RABGAP1: variants seen among roughly 807,000 people sequenced by gnomAD.
The protein encoded by RABGAP1 is RAB GTPase activating protein 1.
A neutral mutation model predicts 137.6 loss-of-function variants in RABGAP1; 23 were observed. That is an observed-to-expected ratio of 0.17 (90% confidence interval 0.12 to 0.24). RABGAP1 has a LOEUF of 0.24. Among genes scored for constraint, RABGAP1 ranks in the 10% least tolerant of loss-of-function variants. The pLI, the probability that RABGAP1 is intolerant of heterozygous loss-of-function variation, is 1.00. For missense variants in RABGAP1, 906 were observed against 1,275.8 expected (o/e 0.71, Z 4.42); for synonymous variants, 451 against 450.7 (o/e 1.00, Z -0.01).
intron 13 of RABGAP1, chr9:123,063,192 A>G (rs976888189): frequency 6.6e-6 from 1 of 152,570 alleles, no homozygotes; most frequent in African/African-American, 2.4e-5. Flanking sequence ...GAACGTTTCC[A>G]TATTCCTCTC....
At chr9:122,978,129 G>GT (rs200331121) in intron 2 of RABGAP1, among the ~76,000 whole-genome samples, 1 of 145,366 alleles carries the variant, frequency 6.9e-6, no homozygotes, top group African/African-American at 2.9e-5. Flanking sequence ...TCAAGATGGG[G>GT]AATACTTTTA....
At chr9:122,942,685 A>AAAAAAC (rs1833664081) in intron 1 of RABGAP1, among the ~76,000 whole-genome samples, 1 of 151,190 alleles carries the variant, frequency 6.6e-6, no homozygotes, top group South Asian at 2.1e-4. Flanking sequence ...AAAAAAAAAA[A>AAAAAAC]AAACACAAAA....
rs774799310 is a variant in RABGAP1 at position 122,984,500 on chromosome 9, A to G, written c.166A>G (p.Ser56Gly). ...KTGLKIVGNG[S>G]EQQLQKELAD... ...TGACCCTTAGATTGTAGGGAATGGA[A>G]GTGAACAGCAGCTGCAAAAAGAGCT... is the stretch of plus-strand genomic sequence containing the variant. The change falls in exon 3 of 26, where the codon AGT becomes GGT. Residue 56 changes from serine to glycine, a missense_variant. Ser to Gly is a moderately conservative substitution (Grantham distance 56). Transcript: ENST00000373647. 2 of 1,613,972 alleles carry G rather than the reference A, an allele frequency of 1.2e-6. No homozygotes were observed. The highest frequency in any genetic ancestry group is 1.1e-5 in the South Asian group (1 of 91,030).
chr9:123,095,317 T>C (rs2035150518), intron 21 of RABGAP1, among the ~76,000 whole-genome samples: 1 of 152,092 alleles, frequency 6.6e-6, no homozygotes, highest in Non-Finnish European at 1.5e-5. Flanking sequence ...TTTTACTTTC[T>C]TTGGGTTTCA....
At chr9:123,079,563 T>C (rs1005758097) in intron 19 of RABGAP1, among the ~76,000 whole-genome samples, 3 of 152,138 alleles carry the variant, frequency 2.0e-5, no homozygotes, top group Non-Finnish European at 4.4e-5. Context: ...AAATTTTTGT[T>C]GTTGTGATGT....
intron 13 of RABGAP1, among the ~76,000 whole-genome samples, chr9:123,028,527 A>G (rs1310591525): frequency 1.3e-5 from 2 of 152,178 alleles, no homozygotes; most frequent in Non-Finnish European, 2.9e-5. Flanking sequence ...TTGGGGTGGG[A>G]TAGGGTGCTG....
At chr9:122,978,600 C>A (rs977455935) in intron 2 of RABGAP1, among the ~76,000 whole-genome samples, 1 of 152,270 alleles carries the variant, frequency 6.6e-6, no homozygotes, top group Admixed American at 6.5e-5. Flanking sequence ...GTGCCACTCT[C>A]CTGCAGCTTG....
intron 1 of RABGAP1, among the ~76,000 whole-genome samples, chr9:122,951,993 G>C (rs781323006): frequency 6.6e-6 from 1 of 152,142 alleles, no homozygotes; most frequent in African/African-American, 2.4e-5. Context: ...ATGGAGTTTT[G>C]GTATACGGGA....
intron 15 of RABGAP1, among the ~76,000 whole-genome samples, chr9:123,072,963 T>G (rs10985881): frequency 0.01 from 1,564 of 152,320 alleles, 44 homozygotes; most frequent in East Asian, 0.076. Flanking sequence ...AATGTAGGTA[T>G]TATTATAAAT....
At chr9:122,948,105 A>T (rs1456079263) in intron 1 of RABGAP1, among the ~76,000 whole-genome samples, 3 of 151,550 alleles carry the variant, frequency 2.0e-5, no homozygotes, top group Non-Finnish European at 4.4e-5. Context: ...ATGCAATGTG[A>T]TTTTTTATAG....
intron 7 of RABGAP1, 106 bp from the exon 8 acceptor site, chr9:122,996,433 T>C (rs1837026182): frequency 8.5e-7 from 1 of 1,169,878 alleles, no homozygotes; most frequent in African/African-American, 1.6e-5. Context: ...ATAACTCTAA[T>C]GTGTTCTCTT....
chr9:122,984,656 C>T lies in RABGAP1; in HGVS notation c.322C>T (p.Pro108Ser). ...NQLSASSTIN[P>S]VPLVGLQKPE... is the part of the protein sequence containing the mutation. The stretch of plus-strand genomic sequence containing the variant: ...GCTCTCCGCTTCATCCACCATTAAC[C>T]CTGTGCCATTAGTAGGGCTCCAAAA... Residue 108 changes from proline (P) to serine (S), a missense_variant, in exon 3 of 26, where the codon CCT (proline) becomes TCT (serine). Pro to Ser is a moderately conservative substitution (Grantham distance 74). This residue lies in a region of RABGAP1 where 331 missense variants were observed against 358.3 expected (regional missense o/e 0.92). Transcript: ENST00000373647. 6.2e-7 allele frequency: 1 copy of T among 1,614,184 alleles called. No homozygotes were observed. The highest frequency in any genetic ancestry group is 1.1e-5 in the South Asian group (1 of 91,080).
chr9:123,063,073 G>A (rs1267342816), intron 13 of RABGAP1: 1 of 152,226 alleles, frequency 6.6e-6, no homozygotes, highest in Non-Finnish European at 1.5e-5. Flanking sequence ...ACAGGCATAA[G>A]CTACCATGCC....
intron 2 of RABGAP1, among the ~76,000 whole-genome samples, chr9:122,958,963 C>G (rs546827724): frequency 6.6e-6 from 1 of 152,222 alleles, no homozygotes; most frequent in Admixed American, 6.5e-5. Context: ...GAACCATGAT[C>G]ACACCACTGT....
upstream of RABGAP1, chr9:122,939,147 T>C (rs1372111744): frequency 1.3e-5 from 2 of 152,092 alleles, no homozygotes; most frequent in African/African-American, 2.4e-5. Flanking sequence ...AAAATAACTT[T>C]AGATGGATAG....
intron 10 of RABGAP1, among the ~76,000 whole-genome samples, chr9:122,999,277 G>C (rs1327986485): frequency 1.3e-5 from 2 of 151,996 alleles, no homozygotes; most frequent in African/African-American, 4.8e-5. Flanking sequence ...TCCGCCTCCC[G>C]GGTTCAAGTG....
chr9:123,101,525 T>G (rs749746972), intron 24 of RABGAP1, 41 bp from the exon 25 acceptor site: 2 of 1,578,754 alleles, frequency 1.3e-6, no homozygotes, highest in East Asian at 4.5e-5. Flanking sequence ...AAAGGGCCAG[T>G]TCCTCTTCTT....
intron 10 of RABGAP1, among the ~76,000 whole-genome samples, chr9:123,001,100 G>A (rs1046613489): frequency 2.0e-5 from 3 of 150,998 alleles, no homozygotes; most frequent in Non-Finnish European, 3.0e-5. Context: ...CATCTGCCTC[G>A]GCCTCCCAAA....
intron 19 of RABGAP1, among the ~76,000 whole-genome samples, chr9:123,087,842 C>T (rs750277105): frequency 4.6e-5 from 7 of 152,152 alleles, no homozygotes; most frequent in Non-Finnish European, 8.8e-5. Context: ...GAGACACTGA[C>T]ACCAACACGC....
Sources: gnomAD v4.1 joint callset for allele counts (sites outside exome capture counted in the v4.1 genomes callset) on GRCh38, gnomAD v4.1.1 for gene constraint, gnomAD v4.1.1 regional missense constraint, MANE v1.5 for transcripts, NCBI Gene and HGNC (gene_info 2026-07-23, HGNC 2026-07-21) for gene names.